The following NALCN variants were observed in gnomAD, a reference collection of about 807,000 sequenced individuals.
NALCN encodes the protein sodium leak channel, non-selective, also known as sodium leak channel NALCN.
NALCN carries 111 observed loss-of-function variants against 225.3 expected under a neutral mutation model. That is an observed-to-expected ratio of 0.49 (90% CI 0.42 to 0.58). The LOEUF is 0.58. NALCN is among the 20% of genes least tolerant of loss of function. NALCN has a pLI of 0.00. For missense variants in NALCN, 1,378 were observed against 2,202.4 expected (o/e 0.63, Z 7.49); for synonymous variants, 764 against 769.0 (o/e 0.99, Z 0.11).
At chr13:101,185,101 A>C (rs1303422625) in intron 14 of NALCN, among the ~76,000 whole-genome samples, 2 of 152,184 alleles carry the variant, frequency 1.3e-5, no homozygotes, top group Non-Finnish European at 2.9e-5. Flanking sequence ...CCCTATCCTA[A>C]GCTGTCTTGC....
rs749800554 is a variant in NALCN, at chr13:101,107,679, A to G, written c.2456+19T>C. ...GCCATTCCCGAATGAGAGCCATGGG[A>G]CACTGCAGCAACCTGTACCTTTTCA... On this transcript the variant is annotated intron_variant, in intron 21 of 43. Coordinates refer to ENST00000251127, the MANE Select transcript of NALCN (RefSeq NM_052867.4). 1 of 1,613,988 alleles carries G rather than the reference A, an allele frequency of 6.2e-7. No homozygotes were observed.
chr13:101,311,190 T>A (rs1277643532), intron 7 of NALCN, among the ~76,000 whole-genome samples: 7 of 151,354 alleles, frequency 4.6e-5, no homozygotes, highest in African/African-American at 1.7e-4. Context: ...AGAATGCTTG[T>A]GATTTTTGCA....
chr13:101,399,369 G>A (rs1022801180), intron 1 of NALCN, among the ~76,000 whole-genome samples: 2 of 152,114 alleles, frequency 1.3e-5, no homozygotes, highest in African/African-American at 4.8e-5. Flanking sequence ...CAAAGCAATG[G>A]ATTATTTTAT....
chr13:101,188,197 T>C (rs477841), intron 14 of NALCN, among the ~76,000 whole-genome samples: 55,214 of 152,022 alleles, frequency 0.36, 10,634 homozygotes, highest in African/African-American at 0.43. Flanking sequence ...CGGAGTACCA[T>C]ACGGCTCTCT....
intron 1 of NALCN, among the ~76,000 whole-genome samples, chr13:101,410,837 G>A (rs2047758846): frequency 6.6e-6 from 1 of 152,174 alleles, no homozygotes; most frequent in Non-Finnish European, 1.5e-5. Context: ...AATCACCCAA[G>A]CTCGATGATC....
rs575541061 is a variant in NALCN, at chr13:101,286,172, G to A, written c.1048-2153C>T. Among the ~76,000 whole-genome samples, 10 of 152,284 alleles carry A rather than the reference G, an allele frequency of 6.6e-5. No homozygotes were observed. The South Asian group carries it at 1.9e-3, about 28-fold the overall frequency. On this transcript the variant is annotated intron_variant, in intron 9 of 43. Coordinates refer to ENST00000251127, the MANE Select transcript of NALCN (RefSeq NM_052867.4). ...TTTGAGACAGAAGCTGGGCTAGCTA[G>A]CAGAAGCCAAGAATCCTCAGAGACT...
intron 26 of NALCN, among the ~76,000 whole-genome samples, chr13:101,102,593 A>G (rs1356698677): frequency 6.6e-6 from 1 of 152,180 alleles, no homozygotes; most frequent in Non-Finnish European, 1.5e-5. Flanking sequence ...AAGACCCTAA[A>G]TCAATGTTTG....
At chr13:101,160,799 C>A (rs1002230239) in intron 15 of NALCN, among the ~76,000 whole-genome samples, 1 of 152,106 alleles carries the variant, frequency 6.6e-6, no homozygotes, top group Non-Finnish European at 1.5e-5. Context: ...GCCAGCATTG[C>A]GAGGCAATCA....
intron 4 of NALCN, 31 bp from the exon 5 acceptor site, chr13:101,377,087 G>T: frequency 6.2e-7 from 1 of 1,613,574 alleles, no homozygotes; most frequent in East Asian, 2.2e-5. Flanking sequence ...AAATGAGGTT[G>T]GATTTTCCCT....
At chr13:101,317,571 A>G (rs1284512991) in intron 7 of NALCN, among the ~76,000 whole-genome samples, 1 of 152,164 alleles carries the variant, frequency 6.6e-6, no homozygotes, top group Non-Finnish European at 1.5e-5. Flanking sequence ...GATCCACCTG[A>G]TCTGGTCAAT....
At chr13:101,250,966 G>A (rs927010707) in intron 11 of NALCN, among the ~76,000 whole-genome samples, 3 of 152,018 alleles carry the variant, frequency 2.0e-5, no homozygotes, top group African/African-American at 7.2e-5. Context: ...ATGATTATAT[G>A]AGATTGTAAG....
At chr13:101,110,736 C>A (rs769756330) in intron 19 of NALCN, 48 bp from the exon 20 acceptor site, 1 of 1,584,378 alleles carries the variant, frequency 6.3e-7, no homozygotes, top group African/African-American at 1.3e-5. Flanking sequence ...ATCAAACTGG[C>A]CTTTCAAGCA....
intron 40 of NALCN, 94 bp downstream of exon 40, chr13:101,065,310 G>A: frequency 7.3e-7 from 1 of 1,371,520 alleles, no homozygotes; most frequent in Non-Finnish European, 1.0e-6. Context: ...ATTTTGGGTT[G>A]GAAACACACT....
chr13:101,092,470 T>G lies in NALCN; in HGVS notation c.3270-2504A>C, dbSNP rs538446763. Among the ~76,000 whole-genome samples, 3 of 152,346 alleles carry G rather than the reference T, an allele frequency of 2.0e-5. No homozygotes were observed. The South Asian group carries it at 6.2e-4, about 32-fold the overall frequency. ...CTTGAGCTTTGGGCATAGAGTTGCCTTAACTTGTAATACCAAACCTATGCC... is the reference window on the plus strand; with the variant it reads ...CTTGAGCTTTGGGCATAGAGTTGCCGTAACTTGTAATACCAAACCTATGCC... On this transcript the variant is annotated intron_variant, in intron 28 of 43. Coordinates refer to ENST00000251127, the MANE Select transcript of NALCN (RefSeq NM_052867.4).
intron 27 of NALCN, among the ~76,000 whole-genome samples, chr13:101,099,711 C>A (rs1199466001): frequency 6.6e-6 from 1 of 152,122 alleles, no homozygotes; most frequent in Non-Finnish European, 1.5e-5. Flanking sequence ...TTCCAGCCCC[C>A]CTTGCAGTAT....
At chr13:101,082,149 G>A (rs595447) in intron 33 of NALCN, among the ~76,000 whole-genome samples, 87,796 of 151,966 alleles carry the variant, frequency 0.58, 26,286 homozygotes, top group African/African-American at 0.73. Context: ...AAGTTCTGGG[G>A]TTACAGGAGT....
At position 101,191,125 on chromosome 13, in the gene NALCN, T is replaced by G. The variant is rs1398967372; in HGVS notation, c.1764+792A>C. Among the ~76,000 whole-genome samples, 3 of 152,110 alleles carry G rather than the reference T, an allele frequency of 2.0e-5. No homozygotes were observed. The East Asian group carries it at 5.8e-4, about 29-fold the overall frequency. ...AAACAATAGTAGCAGTTGTATTTAT[T>G]TCTTGTATTCCTGATAAAGGGAAAC... is the stretch of plus-strand genomic sequence containing the variant. On this transcript the variant is annotated intron_variant, in intron 14 of 43. Transcript: ENST00000251127.
At chr13:101,118,325 T>C (rs376128180) in intron 18 of NALCN, among the ~76,000 whole-genome samples, 3 of 152,298 alleles carry the variant, frequency 2.0e-5, no homozygotes, top group East Asian at 1.9e-4. Flanking sequence ...ACTATTATAA[T>C]CACTTTTGGG....
intron 14 of NALCN, among the ~76,000 whole-genome samples, chr13:101,180,141 G>T (rs1179017394): frequency 6.6e-6 from 1 of 151,452 alleles, no homozygotes; most frequent in African/African-American, 2.4e-5. Flanking sequence ...TAGGTTCTGT[G>T]GGTTAAGCCA....
Sources: allele counts gnomAD v4.1 joint callset (sites outside exome capture counted in the v4.1 genomes callset), GRCh38; gene constraint gnomAD v4.1.1; transcripts MANE v1.5; gene names NCBI Gene and HGNC (gene_info 2026-07-23, HGNC 2026-07-21).